The following TBXAS1 variants were observed in gnomAD, a reference collection of about 807,000 sequenced individuals.
The protein encoded by TBXAS1 is thromboxane A synthase 1.
Under a neutral mutation model 60.7 loss-of-function variants are expected in TBXAS1, and 48 were observed. That is an observed-to-expected ratio of 0.79 (90% CI 0.63 to 1.01). TBXAS1 has a LOEUF of 1.01. TBXAS1 is among the 50% of genes least tolerant of loss of function. TBXAS1 has a pLI of 0.00. For synonymous variants in TBXAS1, 287 were observed against 269.7 expected, an observed-to-expected ratio of 1.06 and a Z score of -0.63; for missense variants, 685 against 686.3, an observed-to-expected ratio of 1.00 and a Z score of 0.02.
chr7:139,937,255 A>G (rs1351984795), intron 5 of TBXAS1, among the ~76,000 whole-genome samples: 1 of 152,232 alleles, frequency 6.6e-6, no homozygotes, highest in East Asian at 1.9e-4. Context: ...GGGAGCTTCC[A>G]AAGCTTGGCT....
intron 4 of TBXAS1, among the ~76,000 whole-genome samples, chr7:139,933,515 G>T (rs1807497202): frequency 6.6e-6 from 1 of 152,016 alleles, no homozygotes; most frequent in African/African-American, 2.4e-5. Context: ...ATTCCATAAA[G>T]CCATAATTCT....
rs761582094 is a variant in TBXAS1, at chr7:139,936,250, A to G, written c.393A>G (p.Arg131=). 1 of 1,614,200 alleles carries G rather than the reference A, an allele frequency of 6.2e-7. No homozygotes were observed. The highest frequency in any genetic ancestry group is 2.2e-5 in the East Asian group (1 of 44,888). Residue 131 remains arginine, a synonymous_variant, in exon 5 of 13, where the codon AGA becomes AGG. Transcript: ENST00000448866. ...GCGTTCTGTTTTTACGTGACAAAAG[A>G]TGGGAAGAGGTCAGAGGTGCCCTGA... ...ADSVLFLRDK[R]WEEVRGALMS... is the part of the protein sequence containing the mutation.
intron 4 of TBXAS1, among the ~76,000 whole-genome samples, chr7:139,814,524 G>A (rs1798100436): frequency 6.6e-6 from 1 of 152,124 alleles, no homozygotes; most frequent in Non-Finnish European, 1.5e-5. Context: ...TGCCATTGGA[G>A]GAAAGAACAG....
chr7:139,871,114 C>T (rs1026909923), intron 1 of TBXAS1, among the ~76,000 whole-genome samples: 7 of 150,830 alleles, frequency 4.6e-5, no homozygotes, highest in African/African-American at 1.7e-4. Context: ...TGCAAACCAG[C>T]ACTTAAGCTG....
rs1205826347 is a variant in TBXAS1 at position 140,013,531 on chromosome 7, G to C, written c.1227-2192G>C. 6.6e-6 allele frequency among the ~76,000 whole-genome samples: 1 copy of C among 152,210 alleles called. No homozygotes were observed. Among genetic ancestry groups the C allele is most frequent in the Non-Finnish European group, 1.5e-5 (1 of 68,034 alleles). On this transcript the variant is annotated intron_variant, in intron 10 of 12. Coordinates refer to ENST00000448866, the MANE Select transcript of TBXAS1 (RefSeq NM_001061.7). This position sits in a 1 kb window ranked among gnomAD's most constrained non-coding sequence, Gnocchi z 4.2. ...GAGAGATTCAATGGTGCTTTCTTGA[G>C]TCACGGGTGTTGGTTGTAAGAAACT...
intron 3 of TBXAS1, among the ~76,000 whole-genome samples, chr7:139,784,219 A>T (rs1210232798): frequency 1.9e-4 from 19 of 102,628 alleles, no homozygotes; most frequent in South Asian, 2.9e-4. Context: ...TCTTTCTTTC[A>T]TTCTTTCTCT....
rs149935459 is a variant in TBXAS1, at chr7:139,867,977, C to T, written c.90-4258C>T. Among the ~76,000 whole-genome samples, 223 of 152,104 alleles carry T rather than the reference C, an allele frequency of 1.5e-3. 1 individual carries two copies. The highest frequency in any genetic ancestry group is 4.7e-3 in the African/African-American group (196 of 41,480). On this transcript the variant is annotated intron_variant, in intron 1 of 12. Transcript: ENST00000448866. The stretch of plus-strand genomic sequence containing the variant: ...TTTGAGAATGGACAGTAAATTGTAC[C>T]GCTGGCACAGCAGTATTTGTGTCCT...
At chr7:139,845,823 GT>G (rs11330197) in intron 1 of TBXAS1, among the ~76,000 whole-genome samples, 62,230 of 130,118 alleles carry the variant, frequency 0.48, 14,451 homozygotes, top group South Asian at 0.67. Context: ...TTGAACTCTA[GT>G]TTTTTTTTTT....
At chr7:139,876,777 C>G (rs1197540223) in intron 3 of TBXAS1, among the ~76,000 whole-genome samples, 1 of 152,076 alleles carries the variant, frequency 6.6e-6, no homozygotes, top group African/African-American at 2.4e-5. Flanking sequence ...ATGGACTACC[C>G]CAAAACTCAG....
At chr7:139,884,989 G>A (rs1031514376) in intron 3 of TBXAS1, among the ~76,000 whole-genome samples, 3 of 152,200 alleles carry the variant, frequency 2.0e-5, no homozygotes, top group East Asian at 1.9e-4. Context: ...GAGAGGCACC[G>A]AGTCTCATGA....
At chr7:139,986,799 GTATATATA>G (rs58751653) in intron 9 of TBXAS1, among the ~76,000 whole-genome samples, 5,655 of 81,014 alleles carry the variant, frequency 0.07, 252 homozygotes, top group African/African-American at 0.1. Flanking sequence ...GTGTGTGTGT[GTATATATA>G]TATATATATA....
At chr7:139,803,290 T>C (rs1481534300) in intron 4 of TBXAS1, among the ~76,000 whole-genome samples, 1 of 152,196 alleles carries the variant, frequency 6.6e-6, no homozygotes, top group East Asian at 1.9e-4. Flanking sequence ...CAAAGGTGAC[T>C]CTTGTTATGC....
chr7:139,993,219 C>G (rs771871119), intron 9 of TBXAS1, among the ~76,000 whole-genome samples: 3 of 152,002 alleles, frequency 2.0e-5, no homozygotes, highest in Non-Finnish European at 4.4e-5. Flanking sequence ...CACGAGGTCC[C>G]CACTTACCCT....
intron 9 of TBXAS1, among the ~76,000 whole-genome samples, chr7:139,983,323 G>A (rs996690380): frequency 7.2e-5 from 11 of 152,154 alleles, no homozygotes; most frequent in African/African-American, 2.4e-4. Context: ...GAAAAACATA[G>A]AAACATAAAA....
chr7:139,790,318 A>G (rs1797342905), intron 4 of TBXAS1, among the ~76,000 whole-genome samples: 2 of 152,232 alleles, frequency 1.3e-5, no homozygotes, highest in Admixed American at 6.5e-5. Context: ...TACTACGGCT[A>G]TTACTACTAA....
intron 9 of TBXAS1, among the ~76,000 whole-genome samples, chr7:139,980,642 C>T (rs562061603): frequency 2.6e-5 from 4 of 151,802 alleles, no homozygotes; most frequent in East Asian, 3.9e-4. Context: ...GTTTCCTCCC[C>T]GTCTTCTCCT....
chr7:139,880,227 C>G (rs527256771), intron 3 of TBXAS1, among the ~76,000 whole-genome samples: 69 of 152,288 alleles, frequency 4.5e-4, no homozygotes, highest in African/African-American at 1.6e-3. Flanking sequence ...TCTGCTTTTA[C>G]TTAGCCTTAT....
intron 5 of TBXAS1, among the ~76,000 whole-genome samples, chr7:139,950,325 C>A (rs534845470): frequency 1.3e-5 from 2 of 152,212 alleles, no homozygotes; most frequent in African/African-American, 4.8e-5. Flanking sequence ...CCTGAGCCAC[C>A]ACGCCTGGCC....
intron 9 of TBXAS1, among the ~76,000 whole-genome samples, chr7:139,978,552 G>T (rs977035229): frequency 1.3e-5 from 2 of 151,614 alleles, no homozygotes; most frequent in Non-Finnish European, 2.9e-5. Context: ...AGAATAATAA[G>T]AATTATCAGT....
Sources: gnomAD v4.1 joint callset for allele counts (sites outside exome capture counted in the v4.1 genomes callset) on GRCh38, gnomAD v4.1.1 for gene constraint, Gnocchi (gnomAD v3.1) non-coding constraint, MANE v1.5 for transcripts, NCBI Gene and HGNC (gene_info 2026-07-23, HGNC 2026-07-21) for gene names.